Variants in DOCK2 observed in about 807,000 individuals in gnomAD.
DOCK2 encodes the protein dedicator of cytokinesis protein 2.
DOCK2 carries 87 observed loss-of-function variants against 248.9 expected under a neutral mutation model. The observed-to-expected ratio is 0.35, with a 90% CI of 0.29 to 0.42. DOCK2 has a LOEUF of 0.42. DOCK2 is among the 10% of genes least tolerant of loss of function. DOCK2 has a pLI of 1.00. For synonymous variants in DOCK2, 805 were observed against 821.6 expected, an observed-to-expected ratio of 0.98 and a Z score of 0.35; for missense variants, 1,747 against 2,300.2, an observed-to-expected ratio of 0.76 and a Z score of 4.92.
intron 27 of DOCK2, among the ~76,000 whole-genome samples, chr5:169,856,234 G>A (rs943165302): frequency 6.6e-6 from 1 of 152,174 alleles, no homozygotes; most frequent in Non-Finnish European, 1.5e-5. Flanking sequence ...TTCAAAAGGA[G>A]GCAATGTGAC....
chr5:169,762,046 A>T (rs1764514970), intron 25 of DOCK2, among the ~76,000 whole-genome samples: 1 of 152,234 alleles, frequency 6.6e-6, no homozygotes, highest in African/African-American at 2.4e-5. Flanking sequence ...GAAGAGTCTA[A>T]TTGAGTAGGA....
chr5:170,080,212 C>G lies in DOCK2; in HGVS notation c.5216C>G (p.Ala1739Gly). The change falls in exon 50 of 52, where the codon GCG (alanine) becomes GGG (glycine). Residue 1739 changes from alanine (A) to glycine (G), a missense_variant. Ala to Gly is a moderately conservative substitution (Grantham distance 60). This residue lies in a region of DOCK2 where 513 missense variants were observed against 586.1 expected (regional missense o/e 0.88). Coordinates refer to ENST00000520908, the MANE Select transcript of DOCK2 (RefSeq NM_004946.3). ...AGTGACACCAACCTCTCGGAGCATGCGGCCATCCCCCTCAAGGCGTCTGTC... is the reference window on the plus strand; with the variant it reads ...AGTGACACCAACCTCTCGGAGCATGGGGCCATCCCCCTCAAGGCGTCTGTC... ...FMSDTNLSEH[A>G]AIPLKASVLS... is the part of the protein sequence containing the mutation. The G allele has an allele frequency of 1.2e-6, 2 of 1,614,090 alleles. No homozygotes were observed. Among genetic ancestry groups the G allele is most frequent in the Non-Finnish European group, 1.7e-6 (2 of 1,180,032 alleles).
chr5:170,055,612 C>T (rs568264645), intron 42 of DOCK2, among the ~76,000 whole-genome samples: 16 of 152,368 alleles, frequency 1.1e-4, no homozygotes, highest in African/African-American at 3.6e-4. Context: ...GGTTATGGCT[C>T]AGCAAATCCT....
chr5:169,775,220 G>A (rs1014168345), intron 25 of DOCK2, among the ~76,000 whole-genome samples: 9 of 152,140 alleles, frequency 5.9e-5, no homozygotes, highest in Admixed American at 4.6e-4. Flanking sequence ...ATATGCCTAT[G>A]TGTGACAGAG....
At chr5:169,889,952 A>T (rs547426077) in intron 27 of DOCK2, among the ~76,000 whole-genome samples, 1 of 152,218 alleles carries the variant, frequency 6.6e-6, no homozygotes, top group Non-Finnish European at 1.5e-5. Flanking sequence ...CTCTGAACTT[A>T]GTAATAATAA....
chr5:170,025,824 C>T (rs1027990996), intron 33 of DOCK2, among the ~76,000 whole-genome samples: 10 of 117,824 alleles, frequency 8.5e-5, no homozygotes, highest in South Asian at 3.4e-4. Context: ...TCCTTCCTTC[C>T]TTCCTTCCTT....
chr5:170,068,227 G>A (rs1757563336), intron 45 of DOCK2, among the ~76,000 whole-genome samples: 1 of 152,128 alleles, frequency 6.6e-6, no homozygotes, highest in Admixed American at 6.5e-5. Flanking sequence ...TGAGCTTCCT[G>A]GTGTTCACGG....
chr5:169,819,689 G>A (rs542825833), intron 26 of DOCK2, among the ~76,000 whole-genome samples: 39 of 152,330 alleles, frequency 2.6e-4, no homozygotes, highest in African/African-American at 8.4e-4. Context: ...ATCTCCCAGC[G>A]TGAGCGACAC....
intron 2 of DOCK2, among the ~76,000 whole-genome samples, chr5:169,665,613 G>A (rs1430234487): frequency 1.3e-5 from 2 of 152,074 alleles, no homozygotes; most frequent in East Asian, 1.9e-4. Context: ...CCTGAAATCA[G>A]TATGTTTTTT....
At chr5:169,970,930 C>A (rs1777479595) in intron 27 of DOCK2, among the ~76,000 whole-genome samples, 1 of 151,894 alleles carries the variant, frequency 6.6e-6, no homozygotes, top group African/African-American at 2.4e-5. Flanking sequence ...CAGGAAGAAA[C>A]CTTCAAAGGC....
At chr5:169,995,036 T>A (rs72828623) in intron 29 of DOCK2, among the ~76,000 whole-genome samples, 42,492 of 149,908 alleles carry the variant, frequency 0.28, 6,877 homozygotes, top group Non-Finnish European at 0.37. Flanking sequence ...TTTATTTTTT[T>A]TTTTTTTTTT....
At chr5:169,665,323 T>G (rs9764204) in intron 2 of DOCK2, among the ~76,000 whole-genome samples, 4,834 of 144,126 alleles carry the variant, frequency 0.034, 250 homozygotes, top group African/African-American at 0.12. Context: ...TATATAAGTA[T>G]CAGCATATCT....
rs372777584 is a variant in DOCK2 at position 170,013,113 on chromosome 5, T to C, written c.3232+4367T>C. On this transcript the variant is annotated intron_variant, in intron 32 of 51. Coordinates refer to ENST00000520908, the MANE Select transcript of DOCK2 (RefSeq NM_004946.3). The stretch of plus-strand genomic sequence containing the variant: ...CCATGTGGGGAAATGGCTTCTGAAT[T>C]GGAAGGAGGACCATGTCAGGACTGA... Among the ~76,000 whole-genome samples the C allele has an allele frequency of 8.5e-5, 13 of 152,092 alleles. No homozygotes were observed. In the East Asian group the frequency reaches 2.5e-3, roughly 29 times the overall value.
chr5:169,761,714 G>A, intron 25 of DOCK2, 89 bp downstream of exon 25: 1 of 1,003,318 alleles, frequency 1.0e-6, no homozygotes, highest in Non-Finnish European at 1.5e-6. Flanking sequence ...AGGGCAACCT[G>A]TCCAGTGACT....
In DOCK2 at chr5:169,998,970, A is replaced by G. The variant is rs376857914; in HGVS notation, c.3072+2806A>G. ...TTTGGGAGGGGCAACTTGGAACACCATACCTAGGGGCCAGAGGTGACAGGG... is the reference window on the plus strand; with the variant it reads ...TTTGGGAGGGGCAACTTGGAACACCGTACCTAGGGGCCAGAGGTGACAGGG... On this transcript the variant is annotated intron_variant, in intron 30 of 51. Coordinates refer to ENST00000520908, the MANE Select transcript of DOCK2 (RefSeq NM_004946.3). 1.1e-4 allele frequency among the ~76,000 whole-genome samples: 17 copies of G among 152,326 alleles called. No homozygotes were observed. In the East Asian group the frequency reaches 2.7e-3, roughly 24 times the overall value.
rs1322138122 is a variant in DOCK2 at position 169,763,325 on chromosome 5, G to A, written c.2554+1700G>A. ...GGAAGCCCCTCTCAGGATTTCAGGT[G>A]GTGCCACTGCAGAGGCAAATTGAGT... On this transcript the variant is annotated intron_variant, in intron 25 of 51. Transcript: ENST00000520908. The surrounding 1 kb of genome is among the most constrained non-coding windows in gnomAD (Gnocchi z 4.1). Among the ~76,000 whole-genome samples, 1 of 152,250 alleles carries A rather than the reference G, an allele frequency of 6.6e-6. No individual in the cohort carries two copies. The highest frequency in any genetic ancestry group is 1.5e-5 in the Non-Finnish European group (1 of 68,038).
intron 27 of DOCK2, chr5:169,841,474 G>A (rs1210562907): frequency 2.0e-6 from 2 of 984,794 alleles, no homozygotes; most frequent in Admixed American, 1.2e-4. Context: ...TGCTTTCAGG[G>A]GCCAGTCACC....
At chr5:169,710,298 C>T (rs986287510) in intron 15 of DOCK2, among the ~76,000 whole-genome samples, 12 of 152,208 alleles carry the variant, frequency 7.9e-5, no homozygotes, top group African/African-American at 2.9e-4. Context: ...CCTTGATCAC[C>T]CTTCCTTGGT....
intron 27 of DOCK2, among the ~76,000 whole-genome samples, chr5:169,933,558 A>T (rs2113688104): frequency 6.6e-6 from 1 of 152,274 alleles, no homozygotes; most frequent in East Asian, 1.9e-4. Context: ...GAGGCTGCTT[A>T]TTTGCCCACT....
Sources: allele counts gnomAD v4.1 joint callset (sites outside exome capture counted in the v4.1 genomes callset), GRCh38; gene constraint gnomAD v4.1.1; regional missense constraint gnomAD v4.1.1; non-coding constraint Gnocchi (gnomAD v3.1); transcripts MANE v1.5; gene names NCBI Gene and HGNC (gene_info 2026-07-23, HGNC 2026-07-21).